Variants in ALPK2 observed in about 807,000 individuals in gnomAD.
The protein encoded by ALPK2 is alpha kinase 2.
A neutral mutation model predicts 163.1 loss-of-function variants in ALPK2; 127 were observed. The ratio of observed to expected loss-of-function variants is 0.78; its 90% confidence interval spans 0.67 to 0.90. ALPK2 has a LOEUF of 0.90. ALPK2 is among the 40% of genes least tolerant of loss of function. ALPK2 has a pLI of 0.00. For synonymous variants in ALPK2, 953 were observed against 959.1 expected, an observed-to-expected ratio of 0.99 and a Z score of 0.12; for missense variants, 2,360 against 2,589.6, an observed-to-expected ratio of 0.91 and a Z score of 1.92.
chr18:58,529,153 A>G lies in ALPK2; in HGVS notation c.5439T>C (p.Ile1813=). ...TCCAGCAGATAGTAGAATCTTCATG[A>G]ATTTCTGCAAATTGGCAGCTTAATT... is the stretch of plus-strand genomic sequence containing the variant. The part of the protein sequence containing the change: ...NVKLSCQFAE[I]HEDSTICWTK... The change falls in exon 6 of 13, where the codon ATT becomes ATC. Residue 1813 remains isoleucine (I), a synonymous_variant. Transcript: ENST00000361673. The G allele has an allele frequency of 6.2e-7, 1 of 1,614,122 alleles. No homozygotes were observed.
At chr18:58,506,275 T>A (rs2144115451) in intron 10 of ALPK2, among the ~76,000 whole-genome samples, 1 of 151,986 alleles carries the variant, frequency 6.6e-6, no homozygotes, top group Non-Finnish European at 1.5e-5. Flanking sequence ...CCATGTTCAC[T>A]ATTTGGGTGA....
chr18:58,529,970 G>GC (rs1357883953), intron 5 of ALPK2, among the ~76,000 whole-genome samples: 6 of 152,332 alleles, frequency 3.9e-5, no homozygotes, highest in African/African-American at 9.6e-5. Flanking sequence ...CAAGGATGAG[G>GC]CCCCTGTCCC....
chr18:58,502,358 C>T (rs1017019820), intron 11 of ALPK2, among the ~76,000 whole-genome samples: 1 of 151,254 alleles, frequency 6.6e-6, no homozygotes, highest in African/African-American at 2.4e-5. Flanking sequence ...CTGTCTCAAA[C>T]AAATAAAAAA....
intron 2 of ALPK2, among the ~76,000 whole-genome samples, chr18:58,608,100 T>A (rs1242056927): frequency 1.3e-5 from 2 of 152,254 alleles, no homozygotes; most frequent in Admixed American, 6.5e-5. Context: ...ATCTTTAAAA[T>A]GTGTATTTCA....
intron 3 of ALPK2, among the ~76,000 whole-genome samples, chr18:58,585,146 A>G (rs1376924592): frequency 1.3e-5 from 2 of 152,340 alleles, no homozygotes; most frequent in African/African-American, 4.8e-5. Flanking sequence ...GAAGTGGTCT[A>G]AACCAGAATT....
chr18:58,522,513 C>A (rs1210060895), intron 8 of ALPK2, among the ~76,000 whole-genome samples: 1 of 152,204 alleles, frequency 6.6e-6, no homozygotes, highest in Non-Finnish European at 1.5e-5. Flanking sequence ...CATTCATGAG[C>A]AGCAGTGTTA....
chr18:58,496,594 A>C (rs1485846285), intron 12 of ALPK2, among the ~76,000 whole-genome samples: 1 of 152,174 alleles, frequency 6.6e-6, no homozygotes, highest in Non-Finnish European at 1.5e-5. Flanking sequence ...CCTTTATTGA[A>C]GCTGAAAATT....
At chr18:58,492,395 C>T (rs2051380217) in intron 12 of ALPK2, among the ~76,000 whole-genome samples, 1 of 152,198 alleles carries the variant, frequency 6.6e-6, no homozygotes, top group Non-Finnish European at 1.5e-5. Flanking sequence ...CTTGGCAGCA[C>T]ATTCCCTCTC....
intron 1 of ALPK2, among the ~76,000 whole-genome samples, chr18:58,624,551 T>C (rs903079234): frequency 1.3e-5 from 2 of 151,778 alleles, no homozygotes; most frequent in Non-Finnish European, 2.9e-5. Context: ...GCCTCCCGGG[T>C]TCAAGCGATT....
In ALPK2 at chr18:58,521,625, C is replaced by CT. The variant is rs1375364902; in HGVS notation, c.5665+2180dup. ...CATTTCTTTTTCTTTCTTTCTCTCTCTCTTTTTTTTTTTTTTTTTTTGAGA... is the reference window on the plus strand; with the variant it reads ...CATTTCTTTTTCTTTCTTTCTCTCTCTTCTTTTTTTTTTTTTTTTTTTGAGA... On this transcript the variant is annotated intron_variant, in intron 8 of 12. Coordinates refer to ENST00000361673, the MANE Select transcript of ALPK2 (RefSeq NM_052947.4). Among the ~76,000 whole-genome samples, 19 of 50,590 alleles carry CT rather than the reference C, an allele frequency of 3.8e-4. 1 individual carries two copies. The highest frequency in any genetic ancestry group is 7.3e-4 in the Non-Finnish European group (18 of 24,750). 33.2% of individuals were successfully genotyped at this position (50,590 alleles called of 152,430 possible).
At position 58,573,292 on chromosome 18, in the gene ALPK2, G is replaced by A. The variant is rs1454108519; in HGVS notation, c.1962+5522C>T. On this transcript the variant is annotated intron_variant, in intron 4 of 12. Coordinates refer to ENST00000361673, the MANE Select transcript of ALPK2 (RefSeq NM_052947.4). ...TATATATGTATATATGTGTATATATGTATATATGTGTGTATATATATGTGT... is the reference window on the plus strand; with the variant it reads ...TATATATGTATATATGTGTATATATATATATATGTGTGTATATATATGTGT... Among the ~76,000 whole-genome samples the A allele has an allele frequency of 3.2e-4, 27 of 83,426 alleles. 3 individuals are homozygous for A. Among genetic ancestry groups the A allele is most frequent in the Admixed American group, 5.0e-4 (4 of 7,958 alleles). The allele number at this position is 83,426 out of a possible 152,430, so 54.7% of individuals were successfully genotyped here.
intron 12 of ALPK2, among the ~76,000 whole-genome samples, chr18:58,493,765 T>C (rs1006162203): frequency 5.3e-5 from 8 of 152,158 alleles, no homozygotes; most frequent in African/African-American, 1.9e-4. Context: ...AGCCTCGTCG[T>C]TCCTTCCTCC....
At chr18:58,589,661 T>A (rs1269819672) in intron 3 of ALPK2, among the ~76,000 whole-genome samples, 1 of 152,234 alleles carries the variant, frequency 6.6e-6, no homozygotes, top group Non-Finnish European at 1.5e-5. Flanking sequence ...ATTCTCATGC[T>A]CATCCTACCC....
intron 2 of ALPK2, among the ~76,000 whole-genome samples, chr18:58,610,649 A>T (rs1485265629): frequency 6.6e-6 from 1 of 152,168 alleles, no homozygotes; most frequent in African/African-American, 2.4e-5. Flanking sequence ...CAGTTTTAAG[A>T]TATCAATTAG....
intron 8 of ALPK2, among the ~76,000 whole-genome samples, chr18:58,520,102 A>G (rs2051541910): frequency 6.6e-6 from 1 of 151,996 alleles, no homozygotes; most frequent in African/African-American, 2.4e-5. Context: ...CACGCTGCCC[A>G]AAGTCCCTGA....
intron 4 of ALPK2, among the ~76,000 whole-genome samples, chr18:58,560,659 A>G (rs529177011): frequency 6.6e-6 from 1 of 152,340 alleles, no homozygotes; most frequent in East Asian, 1.9e-4. Context: ...CTTCAGTAAC[A>G]TATTCACAGG....
chr18:58,555,068 C>A (rs1369339038), intron 4 of ALPK2, among the ~76,000 whole-genome samples: 1 of 152,198 alleles, frequency 6.6e-6, no homozygotes, highest in Non-Finnish European at 1.5e-5. Context: ...TCTCGGGTAT[C>A]TGTTCATAGC....
chr18:58,503,084 A>G lies in ALPK2; in HGVS notation c.6247+847T>C, dbSNP rs183034654. Among the ~76,000 whole-genome samples, 31 of 152,338 alleles carry G rather than the reference A, an allele frequency of 2.0e-4. No individual in the cohort carries two copies. The East Asian group carries it at 4.4e-3, about 22-fold the overall frequency. On this transcript the variant is annotated intron_variant, in intron 11 of 12. Transcript: ENST00000361673. ...ATCCCCTCTCAAATAAGCCATTTGT[A>G]TGTGAGTACCTGTCTCAGGTCTGTC...
Position 58,536,524 on chromosome 18 carries a change from C to T in ALPK2, c.3663G>A (p.Glu1221=). Residue 1221 remains glutamate, a synonymous_variant, in exon 5 of 13, where the codon GAG becomes GAA. Coordinates refer to ENST00000361673, the MANE Select transcript of ALPK2 (RefSeq NM_052947.4). ...AATTTCCAGGTCTATATTCTTTAGA[C>T]TCTTCCAAAAGGATATCAGAGAGAG... ...VPSLSDILLE[E]SKEYRPGNWE... is the part of the protein sequence containing the mutation. The T allele has an allele frequency of 6.2e-7, 1 of 1,613,864 alleles. No homozygotes were observed. Among genetic ancestry groups the T allele is most frequent in the Non-Finnish European group, 8.5e-7 (1 of 1,180,030 alleles).
Sources: allele counts gnomAD v4.1 joint callset (sites outside exome capture counted in the v4.1 genomes callset), GRCh38; gene constraint gnomAD v4.1.1; transcripts MANE v1.5; gene names NCBI Gene and HGNC (gene_info 2026-07-23, HGNC 2026-07-21).